KAZN: variants seen among roughly 807,000 people sequenced by gnomAD.
KAZN encodes the protein kazrin, periplakin interacting protein, also known as kazrin.
Under a neutral mutation model 87.4 loss-of-function variants are expected in KAZN, and 40 were observed. That is an observed-to-expected ratio of 0.46 (90% confidence interval 0.36 to 0.60). The LOEUF (loss-of-function observed/expected upper bound fraction) is 0.60. Among genes scored for constraint, KAZN ranks in the 20% least tolerant of loss-of-function variants. The pLI, the probability that KAZN is intolerant of heterozygous loss-of-function variation, is 0.00. For synonymous variants in KAZN, 466 were observed against 458.3 expected, an observed-to-expected ratio of 1.02 and a Z score of -0.22; for missense variants, 898 against 1,073.9, an observed-to-expected ratio of 0.84 and a Z score of 2.29.
intron 2 of KAZN, among the ~76,000 whole-genome samples, chr1:14,548,489 G>T (rs551663611): frequency 2.6e-5 from 4 of 152,114 alleles, no homozygotes; most frequent in African/African-American, 7.2e-5. Flanking sequence ...GTGAGCTACC[G>T]TGCCCAGCCT....
rs565647442 is a variant in KAZN at position 14,237,733 on chromosome 1, AC to A, written c.249+57142del. 2.3e-3 allele frequency among the ~76,000 whole-genome samples: 357 copies of A among 152,280 alleles called. 3 individuals carry two copies. The highest frequency in any genetic ancestry group is 8.2e-3 in the African/African-American group (340 of 41,574). ...CCATAGGGATATAAAGATGAATGTT[AC>A]ATCCTGGGATTCCCAGTAGCTCATA... On this transcript the variant is annotated intron_variant, in intron 2 of 16. Coordinates refer to the KAZN transcript ENST00000636203.
chr1:13,929,312 A>G (rs969324500), intron 1 of KAZN, among the ~76,000 whole-genome samples: 1 of 152,104 alleles, frequency 6.6e-6, no homozygotes, highest in Non-Finnish European at 1.5e-5. Context: ...TCTTGATTTA[A>G]TCCAGTTAAA....
At chr1:14,064,804 T>G (rs1236029125) in intron 1 of KAZN, among the ~76,000 whole-genome samples, 2 of 152,048 alleles carry the variant, frequency 1.3e-5, no homozygotes, top group East Asian at 3.9e-4. Flanking sequence ...CGCTGCTCGG[T>G]GGTGGAGTTT....
At chr1:14,060,932 G>C (rs963052359) in intron 1 of KAZN, among the ~76,000 whole-genome samples, 1 of 152,212 alleles carries the variant, frequency 6.6e-6, no homozygotes, top group African/African-American at 2.4e-5. Flanking sequence ...GTGGTGGATA[G>C]TGCCCTGGAT....
intron 1 of KAZN, among the ~76,000 whole-genome samples, chr1:14,637,460 G>A (rs745594174): frequency 9.2e-5 from 14 of 152,246 alleles, no homozygotes; most frequent in Non-Finnish European, 1.9e-4. Context: ...CTTGCCAAGG[G>A]CACACAGTGG....
chr1:14,486,812 C>T (rs1277303871), intron 2 of KAZN, among the ~76,000 whole-genome samples: 3 of 152,168 alleles, frequency 2.0e-5, no homozygotes, highest in Non-Finnish European at 4.4e-5. Flanking sequence ...AAGTACTGAC[C>T]ACTGGGAAGT....
chr1:14,988,709 C>G (rs575326394), intron 2 of KAZN, among the ~76,000 whole-genome samples: 1 of 152,208 alleles, frequency 6.6e-6, no homozygotes, highest in African/African-American at 2.4e-5. Flanking sequence ...TGATGCCCCC[C>G]CAGTTTACAA....
At chr1:14,845,908 CT>C (rs1395146995) in intron 1 of KAZN, among the ~76,000 whole-genome samples, 1 of 152,124 alleles carries the variant, frequency 6.6e-6, no homozygotes, top group Non-Finnish European at 1.5e-5. Flanking sequence ...GCATCCTAGA[CT>C]GCGTGCAACC....
intron 2 of KAZN, among the ~76,000 whole-genome samples, chr1:14,294,695 T>C (rs1427123473): frequency 7.0e-6 from 1 of 143,868 alleles, no homozygotes; most frequent in African/African-American, 2.5e-5. Context: ...CAGGCTCAGG[T>C]TTTATACTTC....
At chr1:13,893,590 G>A (rs1193265362) in exon 1 of KAZN, 2 of 1,517,970 alleles carry the variant, frequency 1.3e-6, no homozygotes, top group Non-Finnish European at 1.8e-6. Flanking sequence ...CTGGGCCAGC[G>A]ACGGCATCCT....
rs147311920 is a variant in KAZN at position 14,177,059 on chromosome 1, A to G, written c.92-3376A>G. On this transcript the variant is annotated intron_variant, in intron 1 of 16. Coordinates refer to the KAZN transcript ENST00000636203. Reference sequence around the variant, plus strand: ...TGTAGTCCCAGCTACTCGGGAGGCTAAGGTAGAAGAATCACTTGGACCTAG... The same window carrying G: ...TGTAGTCCCAGCTACTCGGGAGGCTGAGGTAGAAGAATCACTTGGACCTAG... Among the ~76,000 whole-genome samples the G allele has an allele frequency of 7.2e-3, 1,102 of 152,166 alleles. 19 individuals carry two copies. The highest frequency in any genetic ancestry group is 0.025 in the African/African-American group (1,046 of 41,524).
chr1:14,133,377 A>G lies in KAZN; in HGVS notation c.92-47058A>G, dbSNP rs866713742. Among the ~76,000 whole-genome samples the G allele has an allele frequency of 6.5e-4, 47 of 72,032 alleles. No homozygotes were observed. The East Asian group carries it at 0.016, about 25-fold the overall frequency. 47.3% of individuals were successfully genotyped at this position (72,032 alleles called of 152,430 possible). Reference sequence around the variant, plus strand: ...TGAGACTCCCTCTCAAAAAAAAAAAAAAAGAAAGAAAGAAAGAAAGAAAGA... The same window carrying G: ...TGAGACTCCCTCTCAAAAAAAAAAAGAAAGAAAGAAAGAAAGAAAGAAAGA... On this transcript the variant is annotated intron_variant, in intron 1 of 16. Transcript: ENST00000636203.
chr1:14,355,399 CATATTTAT>C (rs1658928479), intron 2 of KAZN, among the ~76,000 whole-genome samples: 1 of 119,962 alleles, frequency 8.3e-6, no homozygotes, highest in Non-Finnish European at 1.7e-5. Flanking sequence ...GAACAATCTA[CATATTTAT>C]TTATTTATTT....
chr1:14,250,458 A>C (rs1205379481), intron 2 of KAZN, among the ~76,000 whole-genome samples: 3 of 144,496 alleles, frequency 2.1e-5, no homozygotes, highest in Admixed American at 1.4e-4. Flanking sequence ...CAGAATCAGC[A>C]AGACATTCAA....
chr1:13,961,787 G>A (rs188607974), intron 1 of KAZN, among the ~76,000 whole-genome samples: 20 of 152,278 alleles, frequency 1.3e-4, no homozygotes, highest in Non-Finnish European at 2.4e-4. Flanking sequence ...TTAGCAGCCA[G>A]GATCCACGTC....
At chr1:14,191,273 C>T (rs902881119) in intron 2 of KAZN, among the ~76,000 whole-genome samples, 9 of 152,012 alleles carry the variant, frequency 5.9e-5, no homozygotes, top group African/African-American at 1.9e-4. Context: ...TGGCAATGGA[C>T]TATAATGAGG....
At chr1:14,023,372 T>C (rs2101273386) in intron 1 of KAZN, among the ~76,000 whole-genome samples, 1 of 152,214 alleles carries the variant, frequency 6.6e-6, no homozygotes, top group African/African-American at 2.4e-5. Flanking sequence ...TGAGTACCCA[T>C]CAGGTGATAT....
intron 6 of KAZN, chr1:15,060,550 C>G (rs892625214): frequency 1.9e-6 from 1 of 520,726 alleles, no homozygotes; most frequent in South Asian, 2.2e-5. Flanking sequence ...GGGCCTGGGT[C>G]GGCCGCAGGC....
chr1:15,037,115 T>C (rs1672420032), intron 3 of KAZN, among the ~76,000 whole-genome samples: 1 of 151,966 alleles, frequency 6.6e-6, no homozygotes, highest in Non-Finnish European at 1.5e-5. Context: ...TCCACCTCTC[T>C]CATTTCTCCA....
Sources: gnomAD v4.1 joint callset for allele counts (sites outside exome capture counted in the v4.1 genomes callset) on GRCh38, gnomAD v4.1.1 for gene constraint, MANE v1.5 for transcripts, NCBI Gene and HGNC (gene_info 2026-07-23, HGNC 2026-07-21) for gene names.